PER2: variants seen among roughly 807,000 people sequenced by gnomAD.
PER2 encodes period circadian regulator 2.
In PER2, 66 loss-of-function variants were observed where a neutral mutation model predicts 121.0. That is an observed-to-expected ratio of 0.55 (90% CI 0.45 to 0.67). The LOEUF (loss-of-function observed/expected upper bound fraction) is 0.67, where lower values mean the gene tolerates loss of function less well. PER2 is among the 30% of genes least tolerant of loss of function. PER2 has a pLI of 0.00. For synonymous variants in PER2, 684 were observed against 659.9 expected (o/e 1.04, Z -0.56); for missense variants, 1,521 against 1,635.0 (o/e 0.93, Z 1.20).
Position 238,250,592 on chromosome 2 carries a change from A to G in PER2, c.3426T>C (p.Asp1142=). 6.2e-7 allele frequency: 1 copy of G among 1,614,008 alleles called. No homozygotes were observed. The highest frequency in any genetic ancestry group is 8.5e-7 in the Non-Finnish European group (1 of 1,179,910). Residue 1142 remains aspartate (D), a synonymous_variant, in exon 21 of 23, where the codon GAT becomes GAC. Transcript: ENST00000254657. The part of the protein sequence containing the change: ...LQDPIWLLMA[D]ADSSVMMTYQ... ...ACGTCATCATGACGCTGCTGTCCGC[A>G]TCTGCCATCAGCAGCCAGATGGGAT...
At position 238,249,216 on chromosome 2, in the gene PER2, C is replaced by G. The variant is rs754912871; in HGVS notation, c.3468-4G>C. 6 of 1,613,060 alleles carry G rather than the reference C, an allele frequency of 3.7e-6. No homozygotes were observed. The highest frequency in any genetic ancestry group is 5.1e-6 in the Non-Finnish European group (6 of 1,179,214). On this transcript the variant is annotated splice_polypyrimidine_tract_variant and splice_region_variant and intron_variant, in intron 21 of 22. Coordinates refer to ENST00000254657, the MANE Select transcript of PER2 (RefSeq NM_022817.3). ...CTTCAAAACCGCTTCTAAATTTCTT[C>G]GCAAGATATTTAGAAATCGGTAAGC...
At chr2:238,260,802 C>T in intron 13 of PER2, 26 bp downstream of exon 13, 1 of 1,613,890 alleles carries the variant, frequency 6.2e-7, no homozygotes, top group Non-Finnish European at 8.5e-7. Flanking sequence ...AACTCATTTT[C>T]TCAGGGAGAA....
At chr2:238,282,393 C>T (rs964372955) in intron 1 of PER2, among the ~76,000 whole-genome samples, 1 of 152,214 alleles carries the variant, frequency 6.6e-6, no homozygotes, top group Non-Finnish European at 1.5e-5. Context: ...TGCCTCCCCT[C>T]TGGGACCTAA....
intron 9 of PER2, 22 bp from the exon 10 acceptor site, chr2:238,263,080 G>A (rs185773880): frequency 5.8e-5 from 79 of 1,359,930 alleles, no homozygotes; most frequent in Admixed American, 5.7e-4. Context: ...GCAGACACAC[G>A]CTAGGATTGG....
At position 238,260,037 on chromosome 2, in the gene PER2, C is replaced by T. The variant is rs1370140522; in HGVS notation, c.1559G>A (p.Gly520Asp). Residue 520 changes from glycine (G) to aspartate (D), a missense_variant, in exon 14 of 23, where the codon GGT becomes GAT. Gly to Asp is a moderately conservative substitution (Grantham distance 94, BLOSUM62 -1). Coordinates refer to ENST00000254657, the MANE Select transcript of PER2 (RefSeq NM_022817.3). ...ATGACTTCTATTTTTGGTCTTGTTA[C>T]CATTTTTACAAATTTCCTTGAAGAA... ...RRRRAEICKN[G>D]NKTKNRSHYS... 7 of 1,483,286 alleles carry T rather than the reference C, an allele frequency of 4.7e-6. No homozygotes were observed. Among genetic ancestry groups the T allele is most frequent in the South Asian group, 1.2e-5 (1 of 86,132 alleles). The allele number at this position is 1,483,286 out of a possible 1,614,324, so 91.9% of individuals were successfully genotyped here.
upstream of PER2, among the ~76,000 whole-genome samples, chr2:238,292,865 G>C (rs1416881543): frequency 6.6e-6 from 1 of 151,500 alleles, no homozygotes; most frequent in Non-Finnish European, 1.5e-5. Context: ...AGCCTCCTGA[G>C]TAGCTTGGAT....
chr2:238,277,673 G>GC (rs1559335360), intron 2 of PER2, 34 bp downstream of exon 2: 1 of 1,612,268 alleles, frequency 6.2e-7, no homozygotes, highest in South Asian at 1.1e-5. Flanking sequence ...AAAACAACCT[G>GC]CCCAGCCTCC....
intron 4 of PER2, among the ~76,000 whole-genome samples, chr2:238,274,866 C>T (rs1696404267): frequency 6.6e-6 from 1 of 152,184 alleles, no homozygotes; most frequent in Non-Finnish European, 1.5e-5. Flanking sequence ...ACTTAGAGGA[C>T]ACCCAAAGCC....
chr2:238,271,114 C>T (rs1696269323), intron 6 of PER2, among the ~76,000 whole-genome samples, 198 bp downstream of exon 6: 2 of 152,242 alleles, frequency 1.3e-5, no homozygotes, highest in Admixed American at 1.3e-4. Flanking sequence ...TATGGAAAGA[C>T]TATTTTTTTC....
intron 21 of PER2, 94 bp downstream of exon 21, chr2:238,250,457 T>C: frequency 2.3e-6 from 2 of 862,220 alleles, no homozygotes; most frequent in East Asian, 2.6e-5. Context: ...CAGAGGGGCG[T>C]CCCGCCCCAT....
intron 12 of PER2, 35 bp downstream of exon 12, chr2:238,261,694 T>A (rs1174621928): frequency 1.4e-6 from 2 of 1,388,990 alleles, no homozygotes; most frequent in South Asian, 2.5e-5. Flanking sequence ...CTCAGGCTGC[T>A]ACCTGGGAGG....
At chr2:238,256,279 T>C (rs914043450) in intron 17 of PER2, among the ~76,000 whole-genome samples, 2 of 151,952 alleles carry the variant, frequency 1.3e-5, no homozygotes, top group Non-Finnish European at 2.9e-5. Flanking sequence ...CCAGGCATGG[T>C]GATAGATGGG....
In PER2 at chr2:238,256,847, A is replaced by AT. The variant is rs543506156; in HGVS notation, c.2065+74dup. 9.8e-5 allele frequency: 147 copies of AT among 1,492,612 alleles called. 1 individual carries two copies. The South Asian group carries it at 1.6e-3, about 16-fold the overall frequency. 92.5% of individuals were successfully genotyped at this position (1,492,612 alleles called of 1,614,324 possible). On this transcript the variant is annotated intron_variant, in intron 17 of 22. Coordinates refer to ENST00000254657, the MANE Select transcript of PER2 (RefSeq NM_022817.3). ...GTGGAGTTCTTCTGCACTTAGAAAA[A>AT]TTTAAGATGGCAAACTTCTTGTTTT... is the stretch of plus-strand genomic sequence containing the variant.
intron 6 of PER2, 29 bp downstream of exon 6, chr2:238,271,283 G>A (rs1158337331): frequency 1.9e-6 from 3 of 1,596,178 alleles, no homozygotes; most frequent in Non-Finnish European, 2.6e-6. Flanking sequence ...GACCCCAGAG[G>A]GAACAAGGCA....
chr2:238,245,822 C>T lies in PER2; in HGVS notation c.*553G>A, dbSNP rs552139488. ...CCAAAGCTGTTGGTTTGCCAAACAA[C>T]GCTTCACACCATTTAATGTGAAACG... is the stretch of plus-strand genomic sequence containing the variant. On this transcript the variant is annotated 3_prime_UTR_variant, in exon 23 of 23. Coordinates refer to ENST00000254657, the MANE Select transcript of PER2 (RefSeq NM_022817.3). 16 of 396,550 alleles carry T rather than the reference C, an allele frequency of 4.0e-5. No homozygotes were observed. The highest frequency in any genetic ancestry group is 6.3e-4 in the Middle Eastern group (1 of 1,580). The allele number at this position is 396,550 out of a possible 1,614,324, so 24.6% of individuals were successfully genotyped here.
intron 17 of PER2, 91 bp from the exon 18 acceptor site, chr2:238,256,002 AC>A: frequency 6.7e-7 from 1 of 1,484,588 alleles, no homozygotes; most frequent in South Asian, 1.2e-5. Flanking sequence ...CAAATCATTC[AC>A]GTATAAAGTA....
rs73088942 is a variant in PER2 at position 238,275,725 on chromosome 2, T to A, written c.448+18A>T. ...CATATTTCTATAGGTTTGGAGCAGA[T>A]GTGCGAGGCCGACGTACCTTTCACC... is the stretch of plus-strand genomic sequence containing the variant. On this transcript the variant is annotated intron_variant, in intron 4 of 22. Transcript: ENST00000254657. 5,599 of 1,611,826 alleles carry A rather than the reference T, an allele frequency of 3.5e-3. 189 individuals are homozygous for A. The African/African-American group carries it at 0.068, about 19-fold the overall frequency.
At position 238,253,564 on chromosome 2, in the gene PER2, C is replaced by T. The variant is rs762831387; in HGVS notation, c.2459G>A (p.Arg820Gln). ...STGSGGPVSA[R>Q]PPLVGLNATA... ...GGCGTTCAAGCCCACCAGCGGGGGCCGGGCGGACACGGGCCCCCCAGATCC... is the reference window on the plus strand; with the variant it reads ...GGCGTTCAAGCCCACCAGCGGGGGCTGGGCGGACACGGGCCCCCCAGATCC... Residue 820 changes from arginine to glutamine, a missense_variant, in exon 19 of 23, where the codon CGG (arginine) becomes CAG (glutamine). Transcript: ENST00000254657. The surrounding 1 kb of genome is among the most constrained non-coding windows in gnomAD (Gnocchi z 5.6). The T allele has an allele frequency of 2.3e-5, 37 of 1,609,626 alleles. No individual in the cohort carries two copies. The highest frequency in any genetic ancestry group is 4.0e-5 in the African/African-American group (3 of 75,010).
At chr2:238,271,656 C>CA (rs1379373166) in intron 5 of PER2, 143 bp from the exon 6 acceptor site, 6 of 689,060 alleles carry the variant, frequency 8.7e-6, no homozygotes, top group African/African-American at 7.1e-5. Flanking sequence ...TAGCCCTCAC[C>CA]AAAAAATCCT....
Sources: gnomAD v4.1 joint callset for allele counts (sites outside exome capture counted in the v4.1 genomes callset) on GRCh38, gnomAD v4.1.1 for gene constraint, Gnocchi (gnomAD v3.1) non-coding constraint, MANE v1.5 for transcripts, NCBI Gene and HGNC (gene_info 2026-07-23, HGNC 2026-07-21) for gene names.